GXYLT2: variants seen among roughly 807,000 people sequenced by gnomAD.
GXYLT2 encodes the protein glucoside xylosyltransferase 2.
A neutral mutation model predicts 45.8 loss-of-function variants in GXYLT2; 53 were observed. That is an observed-to-expected ratio of 1.16 (90% CI 0.93 to 1.46). The LOEUF (loss-of-function observed/expected upper bound fraction) is 1.46, where lower values mean the gene tolerates loss of function less well. Ranked by LOEUF, GXYLT2 falls within the 40% of genes most tolerant of loss-of-function variation. GXYLT2 has a pLI of 0.00. For synonymous variants in GXYLT2, 219 were observed against 214.2 expected, an observed-to-expected ratio of 1.02 and a Z score of -0.19; for missense variants, 551 against 544.4, an observed-to-expected ratio of 1.01 and a Z score of -0.12.
intron 6 of GXYLT2, 111 bp downstream of exon 6, chr3:72,967,830 T>C (rs746140248): frequency 3.6e-6 from 3 of 831,156 alleles, no homozygotes; most frequent in South Asian, 3.3e-5. Context: ...CATAGAGTTA[T>C]ACCAGTTATT....
At chr3:72,944,343 C>T (rs561542636) in intron 3 of GXYLT2, among the ~76,000 whole-genome samples, 1 of 151,234 alleles carries the variant, frequency 6.6e-6, no homozygotes, top group East Asian at 2.0e-4. Flanking sequence ...CAACCTCCAA[C>T]TCCCAGGTTC....
chr3:72,891,080 G>C (rs565027616), intron 1 of GXYLT2, among the ~76,000 whole-genome samples: 1 of 152,070 alleles, frequency 6.6e-6, no homozygotes, highest in Admixed American at 6.5e-5. Flanking sequence ...AATTCTGCTT[G>C]GGTTAAATTT....
intron 6 of GXYLT2, among the ~76,000 whole-genome samples, chr3:72,971,698 C>T (rs560375796): frequency 6.6e-6 from 1 of 152,250 alleles, no homozygotes; most frequent in Admixed American, 6.5e-5. Flanking sequence ...CCTGTAATCC[C>T]AGCACTTTGG....
At chr3:72,952,733 C>T (rs1425751372) in intron 3 of GXYLT2, among the ~76,000 whole-genome samples, 1 of 152,104 alleles carries the variant, frequency 6.6e-6, no homozygotes, top group Non-Finnish European at 1.5e-5. Context: ...AGAGAGCACT[C>T]TCTGGTGTCT....
chr3:72,937,750 C>T (rs758538314), intron 3 of GXYLT2, among the ~76,000 whole-genome samples: 56 of 152,146 alleles, frequency 3.7e-4, no homozygotes, highest in Non-Finnish European at 6.9e-4. Context: ...CCTGAACCTT[C>T]CATTCTTTAA....
chr3:72,908,592 C>T (rs1218519683), intron 2 of GXYLT2, 33 bp downstream of exon 2: 5 of 1,276,608 alleles, frequency 3.9e-6, no homozygotes, highest in Non-Finnish European at 5.3e-6. Context: ...ACAGTGTTTA[C>T]TAAGTACAAA....
chr3:72,972,159 C>T (rs188233970), intron 6 of GXYLT2, among the ~76,000 whole-genome samples: 1 of 152,072 alleles, frequency 6.6e-6, no homozygotes, highest in East Asian at 1.9e-4. Flanking sequence ...GACATCCTAA[C>T]CTGTGTGTTT....
intron 2 of GXYLT2, among the ~76,000 whole-genome samples, chr3:72,911,328 C>T (rs143219953): frequency 5.3e-5 from 8 of 152,090 alleles, no homozygotes; most frequent in East Asian, 3.9e-4. Flanking sequence ...AAGATGTATA[C>T]GTGCAACCAT....
Position 72,922,689 on chromosome 3 carries a change from G to C in GXYLT2, c.600+354G>C, listed in dbSNP as rs115953584. ...CTGGCCCTCAATAAATATTAGCCTG[G>C]ATTATTGTTATTTCTCTTATCACAA... On this transcript the variant is annotated intron_variant, in intron 3 of 6. Transcript: ENST00000389617. Among the ~76,000 whole-genome samples, 1,219 of 152,224 alleles carry C rather than the reference G, an allele frequency of 8.0e-3. 17 individuals carry two copies. Among genetic ancestry groups the C allele is most frequent in the African/African-American group, 0.028 (1,159 of 41,530 alleles).
chr3:72,956,462 G>A (rs1398347481), intron 4 of GXYLT2, among the ~76,000 whole-genome samples: 1 of 152,158 alleles, frequency 6.6e-6, no homozygotes, highest in African/African-American at 2.4e-5. Flanking sequence ...AAGGAAAGGT[G>A]TTTTTCCTTA....
chr3:72,925,281 C>G (rs1340956057), intron 3 of GXYLT2, among the ~76,000 whole-genome samples: 1 of 151,978 alleles, frequency 6.6e-6, no homozygotes, highest in East Asian at 1.9e-4. Context: ...CTCAATCCCC[C>G]AAGTAGCTGG....
chr3:72,888,147 C>G lies in GXYLT2; in HGVS notation c.-87C>G, dbSNP rs1432616967. The G allele has an allele frequency of 7.6e-6, 7 of 922,114 alleles. No homozygotes were observed. The highest frequency in any genetic ancestry group is 1.3e-4 in the Admixed American group (2 of 15,816). The allele number at this position is 922,114 out of a possible 1,614,324, so 57.1% of individuals were successfully genotyped here. A position where few individuals can be genotyped will look rare whatever the true frequency, so the allele number is the denominator to read the frequency against. On this transcript the variant is annotated 5_prime_UTR_variant, in exon 1 of 7. Transcript: ENST00000389617. ...GCGGGCGGGCGGAGGAGGCGACCGC[C>G]GCGCGCTGCTGCACTCATCCTGCCG...
chr3:72,965,968 G>A (rs1231772377), intron 5 of GXYLT2, among the ~76,000 whole-genome samples: 2 of 151,804 alleles, frequency 1.3e-5, no homozygotes, highest in Middle Eastern at 3.2e-3. Context: ...TGTTGTAGGT[G>A]GGGTTTTTTT....
At chr3:72,951,415 A>G (rs1710522791) in intron 3 of GXYLT2, among the ~76,000 whole-genome samples, 1 of 152,202 alleles carries the variant, frequency 6.6e-6, no homozygotes. Flanking sequence ...TAAAAGCGAA[A>G]ACACAGAGAC....
chr3:72,934,176 C>T (rs1710133771), intron 3 of GXYLT2, among the ~76,000 whole-genome samples: 1 of 150,264 alleles, frequency 6.7e-6, no homozygotes, highest in Admixed American at 6.7e-5. Flanking sequence ...CAACCTCCTC[C>T]TGGGTTCAAG....
rs1710893161 is a variant in GXYLT2, at chr3:72,967,669, C to T, written c.1099C>T (p.His367Tyr). 15 of 1,613,946 alleles carry T rather than the reference C, an allele frequency of 9.3e-6. No individual in the cohort carries two copies. The highest frequency in any genetic ancestry group is 1.3e-5 in the Non-Finnish European group (15 of 1,179,858). Reference sequence around the variant, plus strand: ...TCTGCATGGAAACCGAGGCGTCTACCATGACGATAAGCAACCAACGTTCAG... The same window carrying T: ...TCTGCATGGAAACCGAGGCGTCTACTATGACGATAAGCAACCAACGTTCAG... ...SVLHGNRGVYHDDKQPTFRAL... is the reference protein window; with the variant it reads ...SVLHGNRGVYYDDKQPTFRAL... Residue 367 changes from histidine to tyrosine, a missense_variant, in exon 6 of 7, where the codon CAT (histidine) becomes TAT (tyrosine). His to Tyr is a moderately conservative substitution (Grantham distance 83). Coordinates refer to ENST00000389617, the MANE Select transcript of GXYLT2 (RefSeq NM_001080393.2).
intron 3 of GXYLT2, among the ~76,000 whole-genome samples, chr3:72,940,458 G>C (rs1227331549): frequency 6.6e-6 from 1 of 152,160 alleles, no homozygotes. Flanking sequence ...CTGGCCATAT[G>C]AAGACCCCAT....
chr3:72,936,714 C>G (rs1037789611), intron 3 of GXYLT2, among the ~76,000 whole-genome samples: 1 of 152,114 alleles, frequency 6.6e-6, no homozygotes, highest in Non-Finnish European at 1.5e-5. Context: ...GTCATTAATT[C>G]CAGGAAAAAC....
intron 6 of GXYLT2, among the ~76,000 whole-genome samples, chr3:72,973,292 G>T (rs916861345): frequency 1.6e-4 from 25 of 152,258 alleles, no homozygotes; most frequent in Admixed American, 1.4e-3. Context: ...GGAAAATCCC[G>T]TGAAACAGAA....
Sources: allele counts gnomAD v4.1 joint callset (sites outside exome capture counted in the v4.1 genomes callset), GRCh38; gene constraint gnomAD v4.1.1; transcripts MANE v1.5; gene names NCBI Gene and HGNC (gene_info 2026-07-23, HGNC 2026-07-21).